Variants in WDR70 observed in about 807,000 individuals in gnomAD.
WDR70 encodes WD repeat-containing protein 70.
Under a neutral mutation model 88.6 loss-of-function variants are expected in WDR70, and 53 were observed. The observed-to-expected ratio is 0.60, with a 90% CI of 0.48 to 0.75. The LOEUF is 0.75. Among genes scored for constraint, WDR70 ranks in the 30% least tolerant of loss-of-function variants. The pLI, the probability that WDR70 is intolerant of heterozygous loss-of-function variation, is 0.00. For synonymous variants in WDR70, 280 were observed against 270.0 expected (o/e 1.04, Z -0.36); for missense variants, 610 against 823.2 (o/e 0.74, Z 3.17).
In WDR70 at chr5:37,726,912, G is replaced by A. The variant is rs1480819693; in HGVS notation, c.1744G>A (p.Gly582Ser). The A allele has an allele frequency of 6.3e-7, 1 of 1,595,894 alleles. No homozygotes were observed. Among genetic ancestry groups the A allele is most frequent in the African/African-American group, 1.4e-5 (1 of 73,628 alleles). Residue 582 changes from glycine to serine, a missense_variant, in exon 17 of 18, where the codon GGC (glycine) becomes AGC (serine). By Grantham distance (56) the Gly-to-Ser change is moderately conservative. This residue lies in a region of WDR70 where 70 missense variants were observed against 139.2 expected (regional missense o/e 0.50). Coordinates refer to ENST00000265107, the MANE Select transcript of WDR70 (RefSeq NM_018034.4). ...TGGTGGCCGAGTTGGAACCCACGGG[G>A]GCACTCTCTCTTCCTATATTGTGAA... ...GRGGRVGTHG[G>S]TLSSYIVKNI...
chr5:37,644,169 G>GT (rs1745175295), intron 10 of WDR70, among the ~76,000 whole-genome samples: 1 of 151,888 alleles, frequency 6.6e-6, no homozygotes, highest in Non-Finnish European at 1.5e-5. Context: ...TCTATACCCA[G>GT]TTTTTTGGAG....
chr5:37,595,617 A>G lies in WDR70; in HGVS notation c.918-9447A>G, dbSNP rs573585303. Among the ~76,000 whole-genome samples, 7 of 152,314 alleles carry G rather than the reference A, an allele frequency of 4.6e-5. No individual in the cohort carries two copies. In the South Asian group the frequency reaches 1.5e-3, roughly 32 times the overall value. On this transcript the variant is annotated intron_variant, in intron 9 of 17. Transcript: ENST00000265107. ...GTTCTAAAATTCATCTGGAAATGTAAACAACTTGGAATAGCCTAAACAATT... is the reference window on the plus strand; with the variant it reads ...GTTCTAAAATTCATCTGGAAATGTAGACAACTTGGAATAGCCTAAACAATT...
chr5:37,608,340 A>G (rs756686381), intron 10 of WDR70, among the ~76,000 whole-genome samples: 9 of 151,122 alleles, frequency 6.0e-5, no homozygotes, highest in Non-Finnish European at 1.3e-4. Context: ...ACGCCTGGCC[A>G]TTCTGCAGCA....
intron 10 of WDR70, among the ~76,000 whole-genome samples, chr5:37,682,249 G>A (rs1746459636): frequency 1.3e-5 from 2 of 152,084 alleles, no homozygotes; most frequent in African/African-American, 4.8e-5. Context: ...AGGGTTCTTT[G>A]TATTTCTGTG....
intron 13 of WDR70, among the ~76,000 whole-genome samples, chr5:37,712,700 T>C (rs541961106): frequency 8.5e-5 from 13 of 152,268 alleles, no homozygotes; most frequent in African/African-American, 2.4e-5. Context: ...AAAAACTTTT[T>C]AATTTTATTT....
chr5:37,401,798 T>G (rs1440058823), intron 5 of WDR70, among the ~76,000 whole-genome samples: 1 of 152,154 alleles, frequency 6.6e-6, no homozygotes, highest in Non-Finnish European at 1.5e-5. Flanking sequence ...TGACAGATTA[T>G]TTTTAATTGA....
chr5:37,614,471 A>G (rs1221189347), intron 10 of WDR70, among the ~76,000 whole-genome samples: 1 of 152,214 alleles, frequency 6.6e-6, no homozygotes, highest in African/African-American at 2.4e-5. Flanking sequence ...CAGGGACTCA[A>G]ATGTGGAAAT....
intron 9 of WDR70, among the ~76,000 whole-genome samples, chr5:37,579,313 C>T (rs1209299465): frequency 2.0e-5 from 3 of 152,108 alleles, no homozygotes; most frequent in African/African-American, 7.2e-5. Context: ...TGGCCGGGTG[C>T]GGTGGCTCAC....
intron 10 of WDR70, among the ~76,000 whole-genome samples, chr5:37,677,324 A>G (rs573025675): frequency 0.039 from 5,854 of 151,232 alleles, 405 homozygotes; most frequent in African/African-American, 0.14. Context: ...TAATTGTGAC[A>G]TTAGGGTGTC....
intron 5 of WDR70, among the ~76,000 whole-genome samples, chr5:37,416,475 G>A (rs1581261990): frequency 6.6e-6 from 1 of 151,920 alleles, no homozygotes; most frequent in Admixed American, 6.5e-5. Flanking sequence ...TCCAGCTTCG[G>A]CTCGGCATCA....
At chr5:37,643,981 T>TC (rs1745169613) in intron 10 of WDR70, among the ~76,000 whole-genome samples, 1 of 152,088 alleles carries the variant, frequency 6.6e-6, no homozygotes, top group Non-Finnish European at 1.5e-5. Context: ...TTTTATTTTT[T>TC]CACTTGTCTA....
intron 7 of WDR70, among the ~76,000 whole-genome samples, chr5:37,463,718 T>TCC (rs1739080969): frequency 6.6e-6 from 1 of 152,204 alleles, no homozygotes; most frequent in Admixed American, 6.5e-5. Flanking sequence ...GGAATCTTCG[T>TCC]TGTTTAGGCA....
At chr5:37,611,712 A>G (rs1179068465) in intron 10 of WDR70, among the ~76,000 whole-genome samples, 1 of 151,678 alleles carries the variant, frequency 6.6e-6, no homozygotes, top group East Asian at 1.9e-4. Context: ...GCCGTCTGCA[A>G]CTGTGAAGAT....
At chr5:37,518,652 G>A (rs1354696705) in intron 9 of WDR70, among the ~76,000 whole-genome samples, 1 of 149,200 alleles carries the variant, frequency 6.7e-6, no homozygotes, top group Non-Finnish European at 1.5e-5. Context: ...TGCAAACAGT[G>A]CTGCAACCAA....
chr5:37,524,483 C>T (rs958340088), intron 9 of WDR70, among the ~76,000 whole-genome samples: 9 of 152,068 alleles, frequency 5.9e-5, no homozygotes, highest in Non-Finnish European at 1.3e-4. Context: ...GAAGGAAGCA[C>T]TAAACATGGA....
intron 9 of WDR70, among the ~76,000 whole-genome samples, chr5:37,556,613 A>G (rs1561900248): frequency 6.6e-6 from 1 of 152,124 alleles, no homozygotes; most frequent in African/African-American, 2.4e-5. Flanking sequence ...CTTTTTAATG[A>G]TTTTTTAATT....
intron 9 of WDR70, among the ~76,000 whole-genome samples, chr5:37,579,890 A>G (rs1293714326): frequency 6.6e-6 from 1 of 151,620 alleles, no homozygotes; most frequent in Non-Finnish European, 1.5e-5. Context: ...TTTCCTTAAC[A>G]CTCCGTTTTA....
intron 10 of WDR70, among the ~76,000 whole-genome samples, chr5:37,627,471 T>G (rs1290556908): frequency 1.3e-5 from 2 of 152,098 alleles, no homozygotes; most frequent in African/African-American, 4.8e-5. Flanking sequence ...ATTTGGGGTT[T>G]GTTTGTTTTT....
intron 8 of WDR70, among the ~76,000 whole-genome samples, chr5:37,503,099 G>A (rs1740451929): frequency 6.6e-6 from 1 of 152,114 alleles, no homozygotes; most frequent in African/African-American, 2.4e-5. Flanking sequence ...GTTTGTTAGT[G>A]TTTTGTTGAT....
Sources: allele counts gnomAD v4.1 joint callset (sites outside exome capture counted in the v4.1 genomes callset), GRCh38; gene constraint gnomAD v4.1.1; regional missense constraint gnomAD v4.1.1; transcripts MANE v1.5; gene names NCBI Gene and HGNC (gene_info 2026-07-23, HGNC 2026-07-21).